SAMMSON: variants seen among roughly 807,000 people sequenced by gnomAD.
SAMMSON encodes long intergenic non-protein coding RNA 1212.
At chr3:70,358,180 T>TA (rs1356036696) in intron 8 of SAMMSON, 1 of 152,198 alleles carries the variant, frequency 6.6e-6, no homozygotes, top group African/African-American at 2.4e-5. Context: ...ATTTGAAACT[T>TA]ACTGTTTCCT....
chr3:70,158,725 G>A (rs906424128), intron 4 of SAMMSON, among the ~76,000 whole-genome samples: 7 of 151,880 alleles, frequency 4.6e-5, no homozygotes, highest in Admixed American at 1.3e-4. Context: ...GGAGATGGTT[G>A]AAAAGTTTAT....
At chr3:70,191,351 A>G (rs1701130434) in intron 4 of SAMMSON, among the ~76,000 whole-genome samples, 1 of 152,198 alleles carries the variant, frequency 6.6e-6, no homozygotes, top group African/African-American at 2.4e-5. Flanking sequence ...AGTGTTGTTG[A>G]CTGATTAAAA....
intron 2 of SAMMSON, among the ~76,000 whole-genome samples, chr3:70,432,636 C>T (rs1422815093): frequency 6.6e-6 from 1 of 151,948 alleles, no homozygotes; most frequent in Non-Finnish European, 1.5e-5. Context: ...TTTGTTAAAA[C>T]TGATGAGCCA....
At chr3:70,190,657 T>A (rs1182275558) in intron 4 of SAMMSON, among the ~76,000 whole-genome samples, 1 of 152,212 alleles carries the variant, frequency 6.6e-6, no homozygotes, top group East Asian at 1.9e-4. Context: ...TATAAAACAT[T>A]GCTAATATAG....
At chr3:70,394,861 G>A (rs1483268656) in intron 2 of SAMMSON, among the ~76,000 whole-genome samples, 1 of 152,108 alleles carries the variant, frequency 6.6e-6, no homozygotes, top group Non-Finnish European at 1.5e-5. Context: ...TGCACAAAAT[G>A]CAGCATTGTA....
At chr3:70,302,261 TA>T (rs1318850301) in intron 7 of SAMMSON, among the ~76,000 whole-genome samples, 2 of 152,128 alleles carry the variant, frequency 1.3e-5, no homozygotes, top group Non-Finnish European at 2.9e-5. Flanking sequence ...TTTTATCTTT[TA>T]TTTTTTTTTA....
chr3:70,191,727 A>G (rs1237609555), intron 4 of SAMMSON, among the ~76,000 whole-genome samples: 1 of 152,028 alleles, frequency 6.6e-6, no homozygotes, highest in Non-Finnish European at 1.5e-5. Context: ...CTTGAACTTT[A>G]TCTTGGTTTC....
At chr3:70,433,530 A>T (rs1024141414) in intron 2 of SAMMSON, among the ~76,000 whole-genome samples, 1 of 151,948 alleles carries the variant, frequency 6.6e-6, no homozygotes, top group African/African-American at 2.4e-5. Context: ...TTGAGTTTTA[A>T]AAGTTCTTTT....
intron 4 of SAMMSON, among the ~76,000 whole-genome samples, chr3:70,129,198 GT>G (rs1222684929): frequency 2.0e-5 from 3 of 152,116 alleles, no homozygotes; most frequent in Non-Finnish European, 4.4e-5. Context: ...TTTCCAAGTG[GT>G]CAAACTAGTG....
chr3:70,252,988 G>A (rs1378450506), intron 6 of SAMMSON, among the ~76,000 whole-genome samples: 3 of 152,092 alleles, frequency 2.0e-5, no homozygotes, highest in African/African-American at 7.2e-5. Context: ...GCTGAGGCAA[G>A]AGAATCGCTT....
intron 4 of SAMMSON, chr3:70,204,869 T>A (rs1483739719): frequency 6.6e-6 from 1 of 152,132 alleles, no homozygotes; most frequent in African/African-American, 2.4e-5. Flanking sequence ...TTCCCAGTTC[T>A]GGGATTTAAC....
chr3:70,326,962 A>C (rs1522336), intron 7 of SAMMSON, among the ~76,000 whole-genome samples: 9 of 152,050 alleles, frequency 5.9e-5, no homozygotes, highest in African/African-American at 1.9e-4. Context: ...GGGTTTAAGA[A>C]ATTCTGCTGC....
intron 2 of SAMMSON, among the ~76,000 whole-genome samples, chr3:70,428,378 A>T (rs1701388711): frequency 6.6e-6 from 1 of 152,240 alleles, no homozygotes; most frequent in Non-Finnish European, 1.5e-5. Flanking sequence ...AATTGGCTTC[A>T]AGATAGACAT....
At position 70,188,867 on chromosome 3, in the gene SAMMSON, G is replaced by T. The variant is rs147078844; in HGVS notation, n.508-60240G>T. ...GTGGTGACGACTAGAACCAATGTTT[G>T]TCTGCAGTCTGCAACCTTTTTTTCT... On this transcript the variant is annotated intron_variant and non_coding_transcript_variant, in intron 4 of 9. Transcript: ENST00000642114. Among the ~76,000 whole-genome samples the T allele has an allele frequency of 5.6e-4, 86 of 152,258 alleles. 1 individual carries two copies. In the East Asian group the frequency reaches 0.015, roughly 26 times the overall value.
At chr3:70,027,172 A>G (rs539942847) in intron 3 of SAMMSON, among the ~76,000 whole-genome samples, 12 of 152,300 alleles carry the variant, frequency 7.9e-5, no homozygotes, top group African/African-American at 2.9e-4. Flanking sequence ...AGTTAGCTAA[A>G]ATATTTGTGT....
intron 4 of SAMMSON, among the ~76,000 whole-genome samples, chr3:70,179,454 G>C (rs902105652): frequency 6.6e-6 from 1 of 152,222 alleles, no homozygotes; most frequent in Admixed American, 6.5e-5. Flanking sequence ...GGGAAGAGAA[G>C]CCCAGCGCCC....
At chr3:70,065,749 GCCACC>G (rs2067207233) in intron 3 of SAMMSON, among the ~76,000 whole-genome samples, 1 of 151,990 alleles carries the variant, frequency 6.6e-6, no homozygotes, top group African/African-American at 2.4e-5. Context: ...GCACAGCACA[GCCACC>G]CCCACAACAC....
At chr3:70,380,079 C>G (rs1169951010) in intron 9 of SAMMSON, among the ~76,000 whole-genome samples, 1 of 151,636 alleles carries the variant, frequency 6.6e-6, no homozygotes, top group African/African-American at 2.4e-5. Context: ...AAAATAAATA[C>G]ATTTATATAA....
intron 4 of SAMMSON, among the ~76,000 whole-genome samples, chr3:70,159,019 A>G (rs936907638): frequency 2.0e-5 from 3 of 151,844 alleles, no homozygotes; most frequent in African/African-American, 7.3e-5. Flanking sequence ...TTTTTTTCCT[A>G]TACTTTTTAA....
Sources: gnomAD v4.1 joint callset for allele counts (sites outside exome capture counted in the v4.1 genomes callset) on GRCh38, gnomAD v4.1.1 for gene constraint, MANE v1.5 for transcripts, NCBI Gene and HGNC (gene_info 2026-07-23, HGNC 2026-07-21) for gene names.